Variants in UBE2R2 observed in about 807,000 individuals in gnomAD.
UBE2R2 encodes the protein ubiquitin-conjugating enzyme E2 R2.
Under a neutral mutation model 27.8 loss-of-function variants are expected in UBE2R2, and 1 was observed. That is an observed-to-expected ratio of 0.04 (90% CI 0.01 to 0.17). The LOEUF (loss-of-function observed/expected upper bound fraction) is 0.17, where lower values mean the gene tolerates loss of function less well. UBE2R2 is among the 10% of genes least tolerant of loss of function. UBE2R2 has a pLI of 1.00. For missense variants in UBE2R2, 100 were observed against 291.0 expected (o/e 0.34, Z 4.78); for synonymous variants, 106 against 113.3 (o/e 0.94, Z 0.41).
At chr9:33,827,953 A>G (rs984526215) in intron 1 of UBE2R2, among the ~76,000 whole-genome samples, 2 of 151,502 alleles carry the variant, frequency 1.3e-5, no homozygotes, top group African/African-American at 2.4e-5. Context: ...CCTGGGCGAC[A>G]TAGCAAGACT....
At position 33,901,633 on chromosome 9, in the gene UBE2R2, A is replaced by G. The variant is rs138722635; in HGVS notation, c.362+1362A>G. On this transcript the variant is annotated intron_variant, in intron 3 of 4. Coordinates refer to ENST00000263228, the MANE Select transcript of UBE2R2 (RefSeq NM_017811.4). ...CTTGATTAGAATCTCCAGGTTTATC[A>G]AAAGTGAAGAATTGGAAGCTTCCTG... is the stretch of plus-strand genomic sequence containing the variant. Among the ~76,000 whole-genome samples the G allele has an allele frequency of 4.8e-4, 73 of 152,360 alleles. 1 individual carries two copies. The highest frequency in any genetic ancestry group is 1.6e-3 in the African/African-American group (68 of 41,592).
At chr9:33,883,732 G>T (rs865993548) in intron 1 of UBE2R2, among the ~76,000 whole-genome samples, 11 of 135,020 alleles carry the variant, frequency 8.1e-5, no homozygotes, top group African/African-American at 2.2e-4. Flanking sequence ...AAAAAAAAAA[G>T]AAATAAAAAA....
intron 1 of UBE2R2, among the ~76,000 whole-genome samples, chr9:33,819,917 G>A (rs1398391169): frequency 6.6e-6 from 1 of 152,222 alleles, no homozygotes; most frequent in Non-Finnish European, 1.5e-5. Flanking sequence ...GATTACAGGC[G>A]TGAGCCACTG....
At chr9:33,839,796 G>C (rs1454861875) in intron 1 of UBE2R2, among the ~76,000 whole-genome samples, 1 of 152,090 alleles carries the variant, frequency 6.6e-6, no homozygotes, top group Non-Finnish European at 1.5e-5. Context: ...AGGAGTTTAA[G>C]ACCAGCCTGG....
At chr9:33,835,265 G>A (rs1247059766) in intron 1 of UBE2R2, among the ~76,000 whole-genome samples, 1 of 148,662 alleles carries the variant, frequency 6.7e-6, no homozygotes, top group African/African-American at 2.5e-5. Context: ...TCTTGTCTCA[G>A]CCTCCCGAGT....
intron 1 of UBE2R2, among the ~76,000 whole-genome samples, chr9:33,861,687 A>G (rs1245133833): frequency 6.6e-6 from 1 of 151,986 alleles, no homozygotes; most frequent in Non-Finnish European, 1.5e-5. Flanking sequence ...TAAAGGGTTT[A>G]TTTTGTGTAC....
At position 33,844,515 on chromosome 9, in the gene UBE2R2, ATTTTTTTTT is replaced by A. The variant is rs34578523; in HGVS notation, c.177+26597_177+26605del. 6.0e-4 allele frequency among the ~76,000 whole-genome samples: 66 copies of A among 110,146 alleles called. No individual in the cohort carries two copies. In the East Asian group the frequency reaches 0.017, roughly 28 times the overall value. The allele number at this position is 110,146 out of a possible 152,430, so 72.3% of individuals were successfully genotyped here. On this transcript the variant is annotated intron_variant, in intron 1 of 4. Transcript: ENST00000263228. ...CACCACGCCTAGCTGTCCCACATCT[ATTTTTTTTT>A]TTTTTTTTTTTTTTTACCATCAGTT...
At chr9:33,834,201 T>TC (rs1218276982) in intron 1 of UBE2R2, among the ~76,000 whole-genome samples, 3 of 151,026 alleles carry the variant, frequency 2.0e-5, no homozygotes, top group Non-Finnish European at 4.4e-5. Flanking sequence ...TCTTTTTTTT[T>TC]TTCTTTTTTT....
At chr9:33,830,410 G>A in intron 1 of UBE2R2, among the ~76,000 whole-genome samples, 1 of 150,034 alleles carries the variant, frequency 6.7e-6, no homozygotes. Context: ...GCCCGCCTCG[G>A]CCTCCCAAAG....
chr9:33,828,214 A>T (rs1196431835), intron 1 of UBE2R2, among the ~76,000 whole-genome samples: 4 of 151,134 alleles, frequency 2.6e-5, no homozygotes, highest in Non-Finnish European at 5.9e-5. Context: ...AGGCAGAAGA[A>T]TCGCTTGAAC....
chr9:33,825,351 C>T (rs1246718650), intron 1 of UBE2R2, among the ~76,000 whole-genome samples: 1 of 150,146 alleles, frequency 6.7e-6, no homozygotes. Context: ...AAGCAATTCT[C>T]CTCCTCAGCT....
chr9:33,866,464 C>G (rs1014312528), intron 1 of UBE2R2, among the ~76,000 whole-genome samples: 4 of 152,150 alleles, frequency 2.6e-5, no homozygotes, highest in African/African-American at 9.7e-5. Context: ...ATCTCGAACT[C>G]CTGACTTCAG....
At chr9:33,880,405 T>C (rs1249089405) in intron 1 of UBE2R2, among the ~76,000 whole-genome samples, 1 of 152,216 alleles carries the variant, frequency 6.6e-6, no homozygotes. Flanking sequence ...TTACGTAATT[T>C]CCAAATGTTT....
intron 1 of UBE2R2, among the ~76,000 whole-genome samples, chr9:33,858,223 C>T (rs1045351005): frequency 2.6e-5 from 4 of 152,026 alleles, no homozygotes; most frequent in African/African-American, 7.2e-5. Flanking sequence ...AGTTAGATTC[C>T]GAAAGGTAGC....
chr9:33,863,278 C>G (rs1253421435), intron 1 of UBE2R2, among the ~76,000 whole-genome samples: 2 of 151,722 alleles, frequency 1.3e-5, no homozygotes, highest in Non-Finnish European at 2.9e-5. Context: ...AATCCCAGCA[C>G]TTTTGGAGCC....
At chr9:33,902,297 G>C (rs916253428) in intron 3 of UBE2R2, among the ~76,000 whole-genome samples, 2 of 152,150 alleles carry the variant, frequency 1.3e-5, no homozygotes, top group Non-Finnish European at 2.9e-5. Context: ...TGATGCCCCT[G>C]CCTCAGCCTC....
At chr9:33,827,544 G>T (rs2130719994) in intron 1 of UBE2R2, among the ~76,000 whole-genome samples, 1 of 152,146 alleles carries the variant, frequency 6.6e-6, no homozygotes, top group Non-Finnish European at 1.5e-5. Flanking sequence ...GGGAGGCTCA[G>T]GCAGGAGAAT....
chr9:33,875,473 G>A (rs1821583205), intron 1 of UBE2R2, among the ~76,000 whole-genome samples: 1 of 152,156 alleles, frequency 6.6e-6, no homozygotes, highest in Non-Finnish European at 1.5e-5. Context: ...CAGTCGTGGT[G>A]CCACACCCCT....
rs552194723 is a variant in UBE2R2 at position 33,872,887 on chromosome 9, A to G, written c.178-13994A>G. Among the ~76,000 whole-genome samples the G allele has an allele frequency of 1.8e-3, 273 of 152,052 alleles. 1 individual carries two copies. The highest frequency in any genetic ancestry group is 6.3e-3 in the African/African-American group (263 of 41,446). ...TTCAGAAATAAATGGTTAAGATTTC[A>G]TATCAGGCCGGGCTCTGTGGCTCTC... On this transcript the variant is annotated intron_variant, in intron 1 of 4. Coordinates refer to ENST00000263228, the MANE Select transcript of UBE2R2 (RefSeq NM_017811.4).
Sources: gnomAD v4.1 joint callset for allele counts (sites outside exome capture counted in the v4.1 genomes callset) on GRCh38, gnomAD v4.1.1 for gene constraint, MANE v1.5 for transcripts, NCBI Gene and HGNC (gene_info 2026-07-23, HGNC 2026-07-21) for gene names.